The following SRFBP1 variants were observed in gnomAD, a reference collection of about 807,000 sequenced individuals.
SRFBP1 encodes serum response factor-binding protein 1.
SRFBP1 carries 47 observed loss-of-function variants against 45.5 expected under a neutral mutation model. The observed-to-expected ratio is 1.03, with a 90% CI of 0.82 to 1.32. The LOEUF is 1.32. Among genes scored for constraint, SRFBP1 ranks in the 40% most tolerant of loss-of-function variants. The pLI, the probability that SRFBP1 is intolerant of heterozygous loss-of-function variation, is 0.00. For missense variants in SRFBP1, 621 were observed against 484.6 expected, an observed-to-expected ratio of 1.28 and a Z score of -2.64; for synonymous variants, 203 against 166.3, an observed-to-expected ratio of 1.22 and a Z score of -1.70.
At chr5:122,054,314 C>T (rs1754039282) in intron 2 of SRFBP1, among the ~76,000 whole-genome samples, 1 of 152,222 alleles carries the variant, frequency 6.6e-6, no homozygotes. Context: ...CTCATTCTCT[C>T]ACCTTTCCTG....
chr5:122,071,150 A>G lies in SRFBP1; in HGVS notation n.312-4165A>G, dbSNP rs375932046. ...TACGTTGTATCTTTGAATAACTAAC[A>G]TTTATTAAATAGTATGTGGCAGGAA... On this transcript the variant is annotated intron_variant and non_coding_transcript_variant, in intron 2 of 2. Coordinates refer to the SRFBP1 transcript ENST00000504881. Among the ~76,000 whole-genome samples, 4 of 152,020 alleles carry G rather than the reference A, an allele frequency of 2.6e-5. No individual in the cohort carries two copies. The East Asian group carries it at 5.8e-4, about 22-fold the overall frequency.
At chr5:122,070,684 T>C (rs1017256672) in intron 2 of SRFBP1, 39 of 636,370 alleles carry the variant, frequency 6.1e-5, no homozygotes, top group Non-Finnish European at 9.7e-5. Context: ...TTTAAGTTAG[T>C]ACTTACAAGA....
At chr5:121,974,019 T>C (rs1481036801) in intron 1 of SRFBP1, among the ~76,000 whole-genome samples, 177 bp from the exon 2 acceptor site, 4 of 151,814 alleles carry the variant, frequency 2.6e-5, no homozygotes, top group Non-Finnish European at 5.9e-5. Context: ...TTTTAGACTG[T>C]TGATTTATTC....
rs78424524 is a variant in SRFBP1 at position 121,969,632 on chromosome 5, A to G, written c.37-4564A>G. ...AACTTTAAAGGCTTCTGTATGTCTA[A>G]TTTCTAGGCGATACTTCACTGTCAG... On this transcript the variant is annotated intron_variant, in intron 1 of 7. Coordinates refer to ENST00000339397, the MANE Select transcript of SRFBP1 (RefSeq NM_152546.3). 5.1e-3 allele frequency among the ~76,000 whole-genome samples: 780 copies of G among 152,020 alleles called. 20 individuals carry two copies. The East Asian group carries it at 0.053, about 10-fold the overall frequency.
intron 2 of SRFBP1, among the ~76,000 whole-genome samples, chr5:122,046,405 C>T (rs1472087880): frequency 1.3e-5 from 2 of 152,154 alleles, no homozygotes; most frequent in East Asian, 1.9e-4. Context: ...CATAGTATTC[C>T]ATGGTGTATA....
chr5:122,008,183 C>G (rs1753016859), intron 4 of SRFBP1, among the ~76,000 whole-genome samples: 2 of 151,472 alleles, frequency 1.3e-5, no homozygotes, highest in South Asian at 4.2e-4. Context: ...AGGGCTGGCC[C>G]GAAGCCTGGG....
intron 1 of SRFBP1, among the ~76,000 whole-genome samples, chr5:121,963,618 CTG>C (rs1457149971): frequency 6.6e-6 from 1 of 152,128 alleles, no homozygotes; most frequent in Non-Finnish European, 1.5e-5. Flanking sequence ...GGTTAGGTGT[CTG>C]TTCTTTGTGC....
downstream of SRFBP1, among the ~76,000 whole-genome samples, chr5:122,030,768 T>C (rs1399013520): frequency 6.6e-6 from 1 of 152,170 alleles, no homozygotes; most frequent in Non-Finnish European, 1.5e-5. Flanking sequence ...TTTCTATTAC[T>C]CTTTTTAACC....
intron 4 of SRFBP1, among the ~76,000 whole-genome samples, chr5:121,996,107 C>A (rs966523471): frequency 6.7e-6 from 1 of 148,756 alleles, no homozygotes; most frequent in Non-Finnish European, 1.5e-5. Context: ...GGTACCATTC[C>A]TTCTGAAACT....
chr5:121,970,998 T>G (rs2112814679), intron 1 of SRFBP1, among the ~76,000 whole-genome samples: 1 of 152,194 alleles, frequency 6.6e-6, no homozygotes, highest in Non-Finnish European at 1.5e-5. Flanking sequence ...TGAATAGATG[T>G]TAACAAGTTG....
chr5:121,992,244 T>C (rs1752634957), intron 3 of SRFBP1, among the ~76,000 whole-genome samples: 1 of 152,100 alleles, frequency 6.6e-6, no homozygotes. Flanking sequence ...TCCTGCCTTT[T>C]CAGCTTCTGT....
chr5:122,045,300 CT>C (rs1252883523), intron 2 of SRFBP1, among the ~76,000 whole-genome samples: 1 of 152,072 alleles, frequency 6.6e-6, no homozygotes, highest in Non-Finnish European at 1.5e-5. Flanking sequence ...ATGCCTCCGT[CT>C]TTGTTCTTTT....
chr5:122,013,999 A>ACAG (rs200525908), intron 4 of SRFBP1, among the ~76,000 whole-genome samples: 9 of 152,086 alleles, frequency 5.9e-5, no homozygotes, highest in Non-Finnish European at 1.0e-4. Context: ...ACTACAGTTA[A>ACAG]TATATTTCAA....
At chr5:122,060,792 A>C (rs1561412331) in intron 2 of SRFBP1, among the ~76,000 whole-genome samples, 2 of 152,088 alleles carry the variant, frequency 1.3e-5, no homozygotes, top group African/African-American at 4.8e-5. Context: ...CTGGTGTTTG[A>C]TTTCCTGGTT....
At chr5:122,035,955 A>G (rs115407299) in intron 2 of SRFBP1, among the ~76,000 whole-genome samples, 304 of 152,312 alleles carry the variant, frequency 2.0e-3, no homozygotes, top group African/African-American at 6.9e-3. Context: ...GTCAAGTTCA[A>G]TACTCCTCTC....
downstream of SRFBP1, among the ~76,000 whole-genome samples, chr5:122,032,842 T>C (rs1179995066): frequency 6.6e-6 from 1 of 152,248 alleles, no homozygotes; most frequent in East Asian, 1.9e-4. Context: ...TGTAGTTTTG[T>C]TGAAAATTGC....
chr5:122,017,643 G>T (rs1753217222), intron 4 of SRFBP1, among the ~76,000 whole-genome samples: 1 of 152,132 alleles, frequency 6.6e-6, no homozygotes, highest in South Asian at 2.1e-4. Context: ...CCTGGCACAG[G>T]ATTTGCACCA....
chr5:122,003,973 C>T (rs1292875675), intron 4 of SRFBP1, among the ~76,000 whole-genome samples: 1 of 152,034 alleles, frequency 6.6e-6, no homozygotes, highest in Non-Finnish European at 1.5e-5. Flanking sequence ...CTCGCTCTGT[C>T]ACCCACACTG....
At chr5:122,073,296 C>A (rs1754507784) in intron 2 of SRFBP1, among the ~76,000 whole-genome samples, 1 of 152,160 alleles carries the variant, frequency 6.6e-6, no homozygotes, top group Admixed American at 6.5e-5. Context: ...ATAAAACATG[C>A]AAACTGCTTA....
Sources: gnomAD v4.1 joint callset for allele counts (sites outside exome capture counted in the v4.1 genomes callset) on GRCh38, gnomAD v4.1.1 for gene constraint, MANE v1.5 for transcripts, NCBI Gene and HGNC (gene_info 2026-07-23, HGNC 2026-07-21) for gene names.